Variants in ZNF804B observed in about 807,000 individuals in gnomAD.
ZNF804B encodes zinc finger protein 804B.
ZNF804B carries 80 observed loss-of-function variants against 101.4 expected under a neutral mutation model. The observed-to-expected ratio is 0.79, with a 90% CI of 0.66 to 0.95. The LOEUF is 0.95. ZNF804B is among the 40% of genes least tolerant of loss of function. ZNF804B has a pLI of 0.00. For synonymous variants in ZNF804B, 622 were observed against 558.8 expected, an observed-to-expected ratio of 1.11 and a Z score of -1.59; for missense variants, 1,673 against 1,561.9, an observed-to-expected ratio of 1.07 and a Z score of -1.20.
chr7:89,096,914 C>T (rs1789979505), intron 1 of ZNF804B, among the ~76,000 whole-genome samples: 1 of 152,150 alleles, frequency 6.6e-6, no homozygotes, highest in South Asian at 2.1e-4. Context: ...TCTCTGTAGA[C>T]ATTGTCCTTA....
rs376895550 is a variant in ZNF804B, at chr7:89,092,311, A to T, written c.109-125844A>T. ...ATTGCTTTAGGCTTAACATTTCAAC[A>T]TATGAATTTTGGGGGAACACACATT... On this transcript the variant is annotated intron_variant, in intron 1 of 3. Transcript: ENST00000333190. 1.5e-4 allele frequency among the ~76,000 whole-genome samples: 23 copies of T among 151,468 alleles called. No homozygotes were observed. In the East Asian group the frequency reaches 4.3e-3, roughly 28 times the overall value.
chr7:89,067,610 G>T (rs1273200600), intron 1 of ZNF804B, among the ~76,000 whole-genome samples: 1 of 152,082 alleles, frequency 6.6e-6, no homozygotes, highest in African/African-American at 2.4e-5. Flanking sequence ...GTGAGAGTTG[G>T]AAGACTTCTG....
At chr7:89,127,394 C>T (rs1424657494) in intron 1 of ZNF804B, among the ~76,000 whole-genome samples, 1 of 151,528 alleles carries the variant, frequency 6.6e-6, no homozygotes, top group African/African-American at 2.4e-5. Flanking sequence ...TTGTGTTGTC[C>T]AAGGCAGAGT....
At chr7:89,042,291 TATA>T (rs1408155697) in intron 1 of ZNF804B, among the ~76,000 whole-genome samples, 3 of 152,146 alleles carry the variant, frequency 2.0e-5, no homozygotes, top group Admixed American at 6.5e-5. Context: ...TCAGAAATGT[TATA>T]ATATTTCTGA....
chr7:89,067,391 T>A (rs905972577), intron 1 of ZNF804B, among the ~76,000 whole-genome samples: 2 of 152,194 alleles, frequency 1.3e-5, no homozygotes, highest in African/African-American at 2.4e-5. Flanking sequence ...TGGCAGATAC[T>A]CCAGATACTC....
At chr7:89,073,552 A>G (rs1789573288) in intron 1 of ZNF804B, among the ~76,000 whole-genome samples, 1 of 152,044 alleles carries the variant, frequency 6.6e-6, no homozygotes, top group Admixed American at 6.6e-5. Flanking sequence ...GAAATTTTGC[A>G]TTTGATATGT....
intron 1 of ZNF804B, among the ~76,000 whole-genome samples, chr7:88,879,846 C>G (rs1792006695): frequency 6.6e-6 from 1 of 151,998 alleles, no homozygotes; most frequent in African/African-American, 2.4e-5. Context: ...AGAGACCAGC[C>G]TGGGAAACAT....
At chr7:89,136,801 C>T (rs935338908) in intron 1 of ZNF804B, among the ~76,000 whole-genome samples, 6 of 151,302 alleles carry the variant, frequency 4.0e-5, no homozygotes, top group Admixed American at 6.6e-5. Flanking sequence ...ATGTCCCCAC[C>T]GATATCTCAT....
chr7:88,801,849 GA>G (rs1174951566), intron 1 of ZNF804B, among the ~76,000 whole-genome samples: 3 of 152,048 alleles, frequency 2.0e-5, no homozygotes, highest in Non-Finnish European at 2.9e-5. Flanking sequence ...TTCAAGGGAG[GA>G]AAAATAGTTA....
At chr7:89,050,045 G>A (rs1789171461) in intron 1 of ZNF804B, among the ~76,000 whole-genome samples, 1 of 151,980 alleles carries the variant, frequency 6.6e-6, no homozygotes, top group Non-Finnish European at 1.5e-5. Context: ...TTTCTCACTA[G>A]TCTAAGTAGA....
Position 89,151,109 on chromosome 7 carries a change from C to CA in ZNF804B, c.109-67043dup, listed in dbSNP as rs199669010. ...GTTTAGATGTAAGAGATCTGGAAAT[C>CA]AAACGGTTAGATTATAAAATATAAA... On this transcript the variant is annotated intron_variant, in intron 1 of 3. Coordinates refer to ENST00000333190, the MANE Select transcript of ZNF804B (RefSeq NM_181646.5). 2.5e-3 allele frequency among the ~76,000 whole-genome samples: 378 copies of CA among 152,112 alleles called. 7 individuals carry two copies. The highest frequency in any genetic ancestry group is 0.018 in the Admixed American group (271 of 15,250).
In ZNF804B at chr7:89,334,140, G is replaced by A; in HGVS notation, c.1158G>A (p.Glu386=). The change falls in exon 4 of 4, where the codon GAG becomes GAA. Residue 386 remains glutamate, a synonymous_variant. Transcript: ENST00000333190. ...SDARISECLD[E]FSSLEPSEQK... is the part of the protein sequence containing the mutation. ...CCAGGATATCTGAATGCCTGGATGAGTTTTCATCACTGGAGCCAAGTGAAC... is the reference window on the plus strand; with the variant it reads ...CCAGGATATCTGAATGCCTGGATGAATTTTCATCACTGGAGCCAAGTGAAC... The A allele has an allele frequency of 1.9e-6, 3 of 1,613,650 alleles. No homozygotes were observed. The highest frequency in any genetic ancestry group is 2.5e-6 in the Non-Finnish European group (3 of 1,179,838).
intron 2 of ZNF804B, among the ~76,000 whole-genome samples, chr7:89,238,621 G>A (rs1299835005): frequency 2.0e-5 from 3 of 152,192 alleles, no homozygotes; most frequent in Non-Finnish European, 4.4e-5. Flanking sequence ...CACTCAACTA[G>A]AGAATCTCTA....
In ZNF804B at chr7:89,234,266, C is replaced by CT. The variant is rs77516600; in HGVS notation, c.249+15982dup. Among the ~76,000 whole-genome samples the CT allele has an allele frequency of 4.8e-3, 690 of 144,240 alleles. 2 individuals are homozygous for CT. The highest frequency in any genetic ancestry group is 0.014 in the Middle Eastern group (4 of 280). The allele number at this position is 144,240 out of a possible 152,430, so 94.6% of individuals were successfully genotyped here. On this transcript the variant is annotated intron_variant, in intron 2 of 3. Transcript: ENST00000333190. The stretch of plus-strand genomic sequence containing the variant: ...TTATACTTCTGTGATATTCCCTTTT[C>CT]TTTTTTTTTTTATTGTGGTCAACCC...
At chr7:89,042,594 T>C (rs1342806847) in intron 1 of ZNF804B, among the ~76,000 whole-genome samples, 2 of 152,190 alleles carry the variant, frequency 1.3e-5, no homozygotes, top group South Asian at 2.1e-4. Flanking sequence ...CCTTTCTGAA[T>C]AGATCTTAGG....
intron 1 of ZNF804B, among the ~76,000 whole-genome samples, chr7:88,770,290 T>C (rs1353203521): frequency 6.6e-6 from 1 of 152,112 alleles, no homozygotes; most frequent in African/African-American, 2.4e-5. Context: ...GATCACACAG[T>C]GGGGTCCAAC....
intron 2 of ZNF804B, among the ~76,000 whole-genome samples, chr7:89,228,067 C>G (rs951003871): frequency 6.6e-6 from 1 of 152,088 alleles, no homozygotes; most frequent in Non-Finnish European, 1.5e-5. Flanking sequence ...CAGACCCTCG[C>G]GGTGAGTGTT....
intron 1 of ZNF804B, among the ~76,000 whole-genome samples, chr7:89,084,388 A>T (rs1259753663): frequency 1.3e-5 from 2 of 151,936 alleles, no homozygotes; most frequent in African/African-American, 4.8e-5. Context: ...GTACAGTGTA[A>T]ACCATACTAT....
At chr7:89,084,488 A>G (rs1434344186) in intron 1 of ZNF804B, among the ~76,000 whole-genome samples, 2 of 151,958 alleles carry the variant, frequency 1.3e-5, no homozygotes, top group African/African-American at 4.8e-5. Context: ...TTGGCTGCTA[A>G]TAATATTTCC....
Sources: gnomAD v4.1 joint callset for allele counts (sites outside exome capture counted in the v4.1 genomes callset) on GRCh38, gnomAD v4.1.1 for gene constraint, MANE v1.5 for transcripts, NCBI Gene and HGNC (gene_info 2026-07-23, HGNC 2026-07-21) for gene names.